Variants in ARHGEF28 observed in about 807,000 individuals in gnomAD.
The protein encoded by ARHGEF28 is Rho guanine nucleotide exchange factor 28, also known as 190 kDa guanine nucleotide exchange factor.
A neutral mutation model predicts 206.6 loss-of-function variants in ARHGEF28; 152 were observed. The observed-to-expected ratio is 0.74, with a 90% CI of 0.64 to 0.84. The LOEUF is 0.84. Ranked by LOEUF, ARHGEF28 falls within the 40% of genes least tolerant of loss-of-function variation. The pLI is 0.00. For missense variants in ARHGEF28, 2,028 were observed against 2,073.2 expected (o/e 0.98, Z 0.42); for synonymous variants, 763 against 776.4 (o/e 0.98, Z 0.29).
chr5:73,937,554 T>C (rs1266443105), intron 35 of ARHGEF28, among the ~76,000 whole-genome samples: 1 of 152,214 alleles, frequency 6.6e-6, no homozygotes, highest in Non-Finnish European at 1.5e-5. Flanking sequence ...AATGTTTTTT[T>C]GTAGTTTGAG....
chr5:73,656,135 C>G (rs1745183001), intron 1 of ARHGEF28, among the ~76,000 whole-genome samples: 1 of 152,212 alleles, frequency 6.6e-6, no homozygotes, highest in Non-Finnish European at 1.5e-5. Flanking sequence ...TTCTTCCCTT[C>G]TCAGATTTCA....
chr5:73,796,326 G>A (rs1432340999), intron 9 of ARHGEF28, among the ~76,000 whole-genome samples: 1 of 152,242 alleles, frequency 6.6e-6, no homozygotes, highest in East Asian at 1.9e-4. Context: ...GGGCAGGACA[G>A]TCTTAGAAGT....
chr5:73,903,937 T>G, intron 31 of ARHGEF28: 1 of 447,946 alleles, frequency 2.2e-6, no homozygotes, highest in Non-Finnish European at 4.0e-6. Flanking sequence ...TACTTGAGTT[T>G]TCAGGGTGTC....
intron 1 of ARHGEF28, among the ~76,000 whole-genome samples, chr5:73,673,200 C>G (rs945369281): frequency 6.6e-6 from 1 of 152,286 alleles, no homozygotes; most frequent in Non-Finnish European, 1.5e-5. Flanking sequence ...AAGGTTTTTA[C>G]TTAGACTTGG....
intron 2 of ARHGEF28, among the ~76,000 whole-genome samples, chr5:73,696,752 C>A (rs1748241344): frequency 6.6e-6 from 1 of 152,200 alleles, no homozygotes; most frequent in African/African-American, 2.4e-5. Context: ...TAGTGCTTGG[C>A]ATGTATTACA....
chr5:73,732,177 G>A (rs1015565645), intron 2 of ARHGEF28, among the ~76,000 whole-genome samples: 8 of 152,070 alleles, frequency 5.3e-5, no homozygotes, highest in Non-Finnish European at 1.0e-4. Flanking sequence ...ATTACATAGA[G>A]TGTTTTCACT....
chr5:73,711,000 G>A (rs1001104100), intron 2 of ARHGEF28, among the ~76,000 whole-genome samples: 2 of 152,072 alleles, frequency 1.3e-5, no homozygotes, highest in African/African-American at 4.8e-5. Flanking sequence ...CACCGCTGTC[G>A]GCCTTAACAA....
chr5:73,788,272 T>C (rs1348881327), intron 7 of ARHGEF28, among the ~76,000 whole-genome samples: 7 of 152,216 alleles, frequency 4.6e-5, no homozygotes, highest in Non-Finnish European at 5.9e-5. Flanking sequence ...CTTTGAAAGA[T>C]GACTTGCTTA....
chr5:73,717,547 C>T (rs888673970), intron 2 of ARHGEF28, among the ~76,000 whole-genome samples: 3 of 152,070 alleles, frequency 2.0e-5, no homozygotes, highest in African/African-American at 7.2e-5. Flanking sequence ...GCAGTATAGC[C>T]ACACCACCAA....
At chr5:73,800,911 C>A (rs1354534251) in intron 9 of ARHGEF28, among the ~76,000 whole-genome samples, 4 of 152,156 alleles carry the variant, frequency 2.6e-5, no homozygotes. Flanking sequence ...GTACGTAATA[C>A]AGGTTTTCAG....
chr5:73,872,722 G>A (rs1760182793), intron 21 of ARHGEF28, among the ~76,000 whole-genome samples: 1 of 152,160 alleles, frequency 6.6e-6, no homozygotes, highest in Non-Finnish European at 1.5e-5. Flanking sequence ...ATCTAAAGAT[G>A]CTAGCTAGTT....
intron 2 of ARHGEF28, among the ~76,000 whole-genome samples, chr5:73,731,535 C>T (rs1024481945): frequency 3.3e-5 from 5 of 152,126 alleles, no homozygotes; most frequent in African/African-American, 1.2e-4. Flanking sequence ...AATGTACTTC[C>T]AGGGAAGACC....
chr5:73,832,476 A>G lies in ARHGEF28; in HGVS notation c.1146+17A>G. The G allele has an allele frequency of 6.2e-6, 10 of 1,608,786 alleles. No individual in the cohort carries two copies. Among genetic ancestry groups the G allele is most frequent in the Non-Finnish European group, 7.6e-6 (9 of 1,177,216 alleles). On this transcript the variant is annotated intron_variant, in intron 10 of 35. Transcript: ENST00000513042. ...ATTGATCAGGTAAGGCCCAACTGAC[A>G]TTACAGGATGATTTCTACCTCTCTC...
At chr5:73,938,738 G>T (rs1352543457) in intron 35 of ARHGEF28, among the ~76,000 whole-genome samples, 14 of 152,318 alleles carry the variant, frequency 9.2e-5, no homozygotes, top group African/African-American at 3.4e-4. Context: ...AAGTGTGACT[G>T]CGTGTTGTGA....
At chr5:73,763,239 T>C (rs1456775029) in intron 4 of ARHGEF28, among the ~76,000 whole-genome samples, 9 of 152,230 alleles carry the variant, frequency 5.9e-5, no homozygotes, top group Non-Finnish European at 1.2e-4. Flanking sequence ...CTTCCTCTTC[T>C]AGTCTCACCA....
chr5:73,725,482 T>A (rs1750214732), intron 2 of ARHGEF28, among the ~76,000 whole-genome samples: 1 of 150,938 alleles, frequency 6.6e-6, no homozygotes, highest in Non-Finnish European at 1.5e-5. Context: ...ACCTCTTAAC[T>A]GTTATTTAAA....
chr5:73,876,901 G>T (rs1760535634), intron 22 of ARHGEF28, among the ~76,000 whole-genome samples: 1 of 146,720 alleles, frequency 6.8e-6, no homozygotes, highest in South Asian at 2.2e-4. Context: ...TTGTGTCTCT[G>T]CCAGGCTTTG....
intron 1 of ARHGEF28, among the ~76,000 whole-genome samples, chr5:73,674,448 G>A (rs1042165369): frequency 3.3e-5 from 5 of 152,200 alleles, no homozygotes; most frequent in Admixed American, 6.5e-5. Context: ...TTCCTCATAT[G>A]TAAAGTGAGG....
intron 24 of ARHGEF28, among the ~76,000 whole-genome samples, chr5:73,885,429 A>AT (rs1419300176): frequency 1.3e-5 from 2 of 150,642 alleles, no homozygotes; most frequent in South Asian, 2.1e-4. Flanking sequence ...ATATTTTAAC[A>AT]TTTTTTTGGT....
Sources: gnomAD v4.1 joint callset for allele counts (sites outside exome capture counted in the v4.1 genomes callset) on GRCh38, gnomAD v4.1.1 for gene constraint, MANE v1.5 for transcripts, NCBI Gene and HGNC (gene_info 2026-07-23, HGNC 2026-07-21) for gene names.